Variants in PRKCZ observed in about 807,000 individuals in gnomAD.
PRKCZ encodes protein kinase C zeta.
A neutral mutation model predicts 79.5 loss-of-function variants in PRKCZ; 33 were observed. That is an observed-to-expected ratio of 0.41 (90% confidence interval 0.31 to 0.55). PRKCZ has a LOEUF of 0.55. Among genes scored for constraint, PRKCZ ranks in the 20% least tolerant of loss-of-function variants. The probability of loss-of-function intolerance (pLI) is 0.19; values close to 1 mark genes in which losing one functional copy is unlikely to be tolerated. For missense variants in PRKCZ, 578 were observed against 813.5 expected (o/e 0.71, Z 3.52); for synonymous variants, 342 against 320.9 (o/e 1.07, Z -0.70).
rs77263257 is a variant in PRKCZ, at chr1:2,117,438, C to T, written c.335-17824C>T. 5.2e-3 allele frequency among the ~76,000 whole-genome samples: 786 copies of T among 151,850 alleles called. 1 individual carries two copies. Among genetic ancestry groups the T allele is most frequent in the Non-Finnish European group, 7.7e-3 (522 of 67,988 alleles). On this transcript the variant is annotated intron_variant, in intron 4 of 17. Coordinates refer to ENST00000378567, the MANE Select transcript of PRKCZ (RefSeq NM_002744.6). ...GTGATTAACTCATTTGTCTTGGCCTCTCCTGGTCCCCGTAGTTTGTCTGTG... is the reference window on the plus strand; with the variant it reads ...GTGATTAACTCATTTGTCTTGGCCTTTCCTGGTCCCCGTAGTTTGTCTGTG...
At chr1:2,086,930 C>T (rs1336169846) in intron 4 of PRKCZ, among the ~76,000 whole-genome samples, 1 of 152,230 alleles carries the variant, frequency 6.6e-6, no homozygotes, top group Non-Finnish European at 1.5e-5. Context: ...AGAATGCCTC[C>T]TGCCATGCCC....
chr1:2,148,052 A>G (rs1226504055), intron 7 of PRKCZ, among the ~76,000 whole-genome samples: 2 of 147,608 alleles, frequency 1.4e-5, no homozygotes, highest in Non-Finnish European at 1.5e-5. Context: ...TCCACTGTCC[A>G]CTGACCTCTC....
In PRKCZ at chr1:2,150,924, T is replaced by C. The variant is rs148390724; in HGVS notation, c.822T>C (p.Asn274=). 16 of 1,614,022 alleles carry C rather than the reference T, an allele frequency of 9.9e-6. No individual in the cohort carries two copies. Among genetic ancestry groups the C allele is most frequent in the Non-Finnish European group, 1.4e-5 (16 of 1,180,046 alleles). The change falls in exon 9 of 18, where the codon AAT becomes AAC. Residue 274 remains asparagine (N), a synonymous_variant. Transcript: ENST00000378567. ...AKVLLVRLKK[N]DQIYAMKVVK... Reference sequence around the variant, plus strand: ...TTCTCCTGGTGCGGTTGAAGAAGAATGACCAAATTTACGCCATGAAAGTGG... The same window carrying C: ...TTCTCCTGGTGCGGTTGAAGAAGAACGACCAAATTTACGCCATGAAAGTGG...
At position 2,146,139 on chromosome 1, in the gene PRKCZ, G is replaced by T. The variant is rs1450152089; in HGVS notation, c.634+31G>T. The stretch of plus-strand genomic sequence containing the variant: ...CGCTGCTTTCTTCCGGCCGGGTAGA[G>T]CCTGGGCATCACCTCACCCTGCTCA... On this transcript the variant is annotated intron_variant, in intron 7 of 17. Transcript: ENST00000378567. The T allele has an allele frequency of 2.5e-6, 4 of 1,587,014 alleles. No individual in the cohort carries two copies. The East Asian group carries it at 6.7e-5, about 27-fold the overall frequency.
rs1681008553 is a variant in PRKCZ at position 2,156,181 on chromosome 1, A to G, written c.974+89A>G. On this transcript the variant is annotated intron_variant, in intron 10 of 17. Transcript: ENST00000378567. ...AGTCTGGTGTGATGTGTCAACTGTCACCTGTAAGGTTCTCCCAGTTGCTGT... is the reference window on the plus strand; with the variant it reads ...AGTCTGGTGTGATGTGTCAACTGTCGCCTGTAAGGTTCTCCCAGTTGCTGT... The G allele has an allele frequency of 9.6e-6, 12 of 1,252,374 alleles. No homozygotes were observed. The Admixed American group carries it at 1.8e-4, about 18-fold the overall frequency. 77.6% of individuals were successfully genotyped at this position (1,252,374 alleles called of 1,614,324 possible).
intron 16 of PRKCZ, among the ~76,000 whole-genome samples, chr1:2,176,697 G>A (rs1003226483): frequency 2.6e-5 from 4 of 152,254 alleles, no homozygotes; most frequent in Non-Finnish European, 5.9e-5. Context: ...GGCCAGCGTG[G>A]GAGGTCACTC....
intron 4 of PRKCZ, among the ~76,000 whole-genome samples, chr1:2,108,346 T>G (rs1274772459): frequency 6.6e-6 from 1 of 152,228 alleles, no homozygotes; most frequent in Non-Finnish European, 1.5e-5. Context: ...GCGTGGCCCC[T>G]TGTCCCTGCA....
intron 4 of PRKCZ, among the ~76,000 whole-genome samples, chr1:2,081,969 A>G (rs1356627561): frequency 6.6e-6 from 1 of 152,228 alleles, no homozygotes; most frequent in Non-Finnish European, 1.5e-5. Context: ...CTGGGTGGGC[A>G]GTCCTCTTTT....
intron 4 of PRKCZ, chr1:2,074,389 G>A: frequency 7.0e-7 from 1 of 1,434,490 alleles, no homozygotes. Context: ...GGGAGTTGCT[G>A]GCTGTTGGGA....
chr1:2,073,797 C>T (rs1186871885), intron 4 of PRKCZ: 28 of 1,027,890 alleles, frequency 2.7e-5, no homozygotes, highest in South Asian at 7.4e-5. Flanking sequence ...CTCGAGCCTC[C>T]CTGCCTATTG....
At chr1:2,071,432 AG>A (rs1661579721) in intron 4 of PRKCZ, 1 of 340,208 alleles carries the variant, frequency 2.9e-6, no homozygotes, top group Non-Finnish European at 5.9e-6. Flanking sequence ...GGTGTCCTCC[AG>A]GCCTGGGTGG....
rs113621086 is a variant in PRKCZ, at chr1:2,130,485, AC to A, written c.335-4774del. On this transcript the variant is annotated intron_variant, in intron 4 of 17. Transcript: ENST00000378567. ...CCTGCCCAAAACTCCCACCTCGGAGACCCTGTGCCAGGGTTTTCCAGAGAGA... is the reference window on the plus strand; with the variant it reads ...CCTGCCCAAAACTCCCACCTCGGAGACCTGTGCCAGGGTTTTCCAGAGAGA... Among the ~76,000 whole-genome samples, 673 of 152,246 alleles carry A rather than the reference AC, an allele frequency of 4.4e-3. 4 individuals carry two copies. The highest frequency in any genetic ancestry group is 0.015 in the African/African-American group (639 of 41,532).
rs757858012 is a variant in PRKCZ, at chr1:2,184,697, G to A, written c.1690G>A (p.Glu564Lys). 6.2e-7 allele frequency: 1 copy of A among 1,612,460 alleles called. No individual in the cohort carries two copies. The highest frequency in any genetic ancestry group is 8.5e-7 in the Non-Finnish European group (1 of 1,179,238). ...GCCCGTGCAGCTGACCCCAGACGATGAGTGAGTCCCACTGGGTGCGGGTCC... is the reference window on the plus strand; with the variant it reads ...GCCCGTGCAGCTGACCCCAGACGATAAGTGAGTCCCACTGGGTGCGGGTCC... ...SEPVQLTPDD[E>K]DAIKRIDQSE... is the part of the protein sequence containing the mutation. Residue 564 changes from glutamate to lysine, a missense_variant and splice_region_variant, in exon 17 of 18, where the codon GAG becomes AAG. Physicochemically the swap from Glu to Lys is moderately conservative, Grantham distance 56 (BLOSUM62 1). This residue lies in a region of PRKCZ where 243 missense variants were observed against 467.0 expected (regional missense o/e 0.52). Coordinates refer to ENST00000378567, the MANE Select transcript of PRKCZ (RefSeq NM_002744.6).
rs534430926 is a variant in PRKCZ, at chr1:2,177,949, C to T, written c.1575+2636C>T. Among the ~76,000 whole-genome samples the T allele has an allele frequency of 3.9e-5, 6 of 152,316 alleles. No homozygotes were observed. The highest frequency in any genetic ancestry group is 1.9e-4 in the East Asian group (1 of 5,190). The stretch of plus-strand genomic sequence containing the variant: ...CACCGACCGCCGACCCTGCCTCTGC[C>T]GTTTCCTTGCCACCCATCAGCTCTT... On this transcript the variant is annotated intron_variant, in intron 16 of 17. Coordinates refer to ENST00000378567, the MANE Select transcript of PRKCZ (RefSeq NM_002744.6). This position sits in a 1 kb window ranked among gnomAD's most constrained non-coding sequence, Gnocchi z 6.4.
At chr1:2,151,129 AC>A in intron 9 of PRKCZ, 151 bp downstream of exon 9, 1 of 973,834 alleles carries the variant, frequency 1.0e-6, no homozygotes, top group Non-Finnish European at 1.5e-6. Flanking sequence ...TCGTGTAATG[AC>A]CAGGATGTGT....
intron 9 of PRKCZ, among the ~76,000 whole-genome samples, chr1:2,151,277 G>T (rs1430420187): frequency 6.6e-6 from 1 of 152,252 alleles, no homozygotes; most frequent in East Asian, 1.9e-4. Context: ...AAGCCCGTAC[G>T]GCTGTTAGTG....
At chr1:2,068,090 A>AG (rs1285213376) in intron 4 of PRKCZ, among the ~76,000 whole-genome samples, 2 of 152,242 alleles carry the variant, frequency 1.3e-5, no homozygotes, top group African/African-American at 4.8e-5. Flanking sequence ...GAGAGGCAGC[A>AG]GTACGTTCCT....
intron 4 of PRKCZ, among the ~76,000 whole-genome samples, chr1:2,087,436 G>A (rs6678163): frequency 0.19 from 28,721 of 152,066 alleles, 3,640 homozygotes; most frequent in East Asian, 0.61. Context: ...ACGGCTCACC[G>A]TGGCAACAGC....
chr1:2,113,154 G>C (rs962441104), intron 4 of PRKCZ, among the ~76,000 whole-genome samples: 1 of 152,258 alleles, frequency 6.6e-6, no homozygotes, highest in African/African-American at 2.4e-5. Context: ...ACCAGTCAGG[G>C]CCCCGGGGGA....
Sources: gnomAD v4.1 joint callset for allele counts (sites outside exome capture counted in the v4.1 genomes callset) on GRCh38, gnomAD v4.1.1 for gene constraint, gnomAD v4.1.1 regional missense constraint, Gnocchi (gnomAD v3.1) non-coding constraint, MANE v1.5 for transcripts, NCBI Gene and HGNC (gene_info 2026-07-23, HGNC 2026-07-21) for gene names.